Variants in CNGB1 observed in about 807,000 individuals in gnomAD.
CNGB1 encodes the protein cyclic nucleotide-gated channel beta-1.
In CNGB1, 126 loss-of-function variants were observed where a neutral mutation model predicts 151.7. The observed-to-expected ratio is 0.83, with a 90% CI of 0.72 to 0.96. The LOEUF (loss-of-function observed/expected upper bound fraction) is 0.96. Ranked by LOEUF, CNGB1 falls within the 40% of genes least tolerant of loss-of-function variation. The pLI is 0.00. For missense variants in CNGB1, 1,698 were observed against 1,627.0 expected (o/e 1.04, Z -0.75); for synonymous variants, 623 against 635.1 (o/e 0.98, Z 0.29).
In CNGB1 at chr16:57,947,101, G is replaced by C. The variant is rs138324229; in HGVS notation, c.1121+2252C>G. 9.5e-4 allele frequency among the ~76,000 whole-genome samples: 145 copies of C among 152,344 alleles called. 2 individuals are homozygous for C. In the East Asian group the frequency reaches 0.025, roughly 27 times the overall value. On this transcript the variant is annotated intron_variant, in intron 14 of 32. Transcript: ENST00000251102. Reference sequence around the variant, plus strand: ...TGTGCATGCCTGTACATGTAAGTGTGTGCATAACCCAGCATGTATGTCTGT... The same window carrying C: ...TGTGCATGCCTGTACATGTAAGTGTCTGCATAACCCAGCATGTATGTCTGT...
chr16:57,949,342 A>G lies in CNGB1; in HGVS notation c.1121+11T>C. On this transcript the variant is annotated intron_variant, in intron 14 of 32. Coordinates refer to ENST00000251102, the MANE Select transcript of CNGB1 (RefSeq NM_001297.5). The stretch of plus-strand genomic sequence containing the variant: ...CAGGGCCGTTCCCAGACAGGTGAGC[A>G]AATGACTTACTCAGTCACCTCCTCC... 6.2e-7 allele frequency: 1 copy of G among 1,608,530 alleles called. No individual in the cohort carries two copies. The highest frequency in any genetic ancestry group is 1.1e-5 in the South Asian group (1 of 91,078).
chr16:57,903,871 G>T lies in CNGB1; in HGVS notation c.2745C>A (p.Asn915Lys). The change falls in exon 27 of 33, where the codon AAC becomes AAA. Residue 915 changes from asparagine (N) to lysine (K), a missense_variant. Physicochemically the swap from Asn to Lys is moderately conservative, Grantham distance 94 (BLOSUM62 0). Coordinates refer to ENST00000251102, the MANE Select transcript of CNGB1 (RefSeq NM_001297.5). ...NFYKIPKSVQ[N>K]RVKTWYEYTW... The stretch of plus-strand genomic sequence containing the variant: ...TGTACTCGTACCAGGTCTTGACGCG[G>T]TTCTGCACGGACTTGGGGATCTTGT... 6.2e-7 allele frequency: 1 copy of T among 1,614,210 alleles called. No individual in the cohort carries two copies. Among genetic ancestry groups the T allele is most frequent in the Non-Finnish European group, 8.5e-7 (1 of 1,180,046 alleles).
chr16:57,941,105 G>A (rs1279601291), intron 14 of CNGB1, among the ~76,000 whole-genome samples: 3 of 152,176 alleles, frequency 2.0e-5, no homozygotes, highest in Non-Finnish European at 4.4e-5. Flanking sequence ...TTTAGATGCT[G>A]ATAATTCAAA....
chr16:57,957,628 G>A (rs1327256965), intron 11 of CNGB1, among the ~76,000 whole-genome samples: 1 of 152,238 alleles, frequency 6.6e-6, no homozygotes, highest in African/African-American at 2.4e-5. Context: ...CCACAGCAGC[G>A]GCACCTGCTC....
chr16:57,915,093 C>T (rs1369492946), intron 23 of CNGB1, among the ~76,000 whole-genome samples, 156 bp downstream of exon 23: 3 of 152,200 alleles, frequency 2.0e-5, no homozygotes, highest in African/African-American at 7.2e-5. Context: ...AATGAACTTT[C>T]CACTAAGACA....
chr16:57,961,309 C>G (rs1962250291), intron 7 of CNGB1, among the ~76,000 whole-genome samples: 1 of 152,246 alleles, frequency 6.6e-6, no homozygotes, highest in South Asian at 2.1e-4. Flanking sequence ...GTTTCATACT[C>G]TGCTGTCACA....
At chr16:57,926,500 G>A (rs1239629184) in intron 17 of CNGB1, among the ~76,000 whole-genome samples, 1 of 152,180 alleles carries the variant, frequency 6.6e-6, no homozygotes. Context: ...ATTCCAGAAG[G>A]CTCTGAAATG....
intron 25 of CNGB1, among the ~76,000 whole-genome samples, chr16:57,909,067 G>T (rs1038669002): frequency 1.3e-5 from 2 of 152,130 alleles, no homozygotes; most frequent in Admixed American, 6.5e-5. Flanking sequence ...TCAGGAAGCC[G>T]AGACCAGCCT....
chr16:57,912,379 C>T (rs546505916), intron 24 of CNGB1, among the ~76,000 whole-genome samples: 38 of 152,312 alleles, frequency 2.5e-4, no homozygotes, highest in African/African-American at 5.3e-4. Flanking sequence ...TGGTAAGCCC[C>T]TCGTGCCAGC....
intron 17 of CNGB1, among the ~76,000 whole-genome samples, chr16:57,927,558 G>C (rs549159178): frequency 2.0e-5 from 3 of 152,328 alleles, no homozygotes; most frequent in Non-Finnish European, 2.9e-5. Context: ...CCCCTGCCAG[G>C]CTTCTCCCTC....
intron 20 of CNGB1, among the ~76,000 whole-genome samples, chr16:57,917,999 C>A (rs1405344200): frequency 6.6e-6 from 1 of 151,166 alleles, no homozygotes; most frequent in African/African-American, 2.4e-5. Flanking sequence ...GTAAATAATG[C>A]ATGAAGGATG....
intron 7 of CNGB1, 95 bp downstream of exon 7, chr16:57,962,470 C>T (rs1411092506): frequency 3.6e-6 from 4 of 1,113,858 alleles, no homozygotes; most frequent in East Asian, 4.7e-5. Flanking sequence ...AAGGTCACAC[C>T]CTGAGGTGGT....
chr16:57,967,072 T>C, intron 2 of CNGB1, 56 bp downstream of exon 2: 1 of 1,612,786 alleles, frequency 6.2e-7, no homozygotes, highest in Non-Finnish European at 8.5e-7. Context: ...TGGCCCAAAC[T>C]GGGAAGACCC....
At chr16:57,897,370 T>G in intron 31 of CNGB1, 27 bp downstream of exon 31, 1 of 1,613,942 alleles carries the variant, frequency 6.2e-7, no homozygotes, top group South Asian at 1.1e-5. Flanking sequence ...TAGCAATTTT[T>G]TATTAAACGA....
At chr16:57,913,085 C>T (rs1960776680) in intron 23 of CNGB1, 91 bp from the exon 24 acceptor site, 3 of 1,195,956 alleles carry the variant, frequency 2.5e-6, no homozygotes, top group Non-Finnish European at 3.7e-6. Flanking sequence ...AGGGCTCTTC[C>T]TGCAGCCCCC....
intron 31 of CNGB1, among the ~76,000 whole-genome samples, chr16:57,896,324 C>T (rs746521943): frequency 1.1e-3 from 172 of 152,194 alleles, no homozygotes; most frequent in Non-Finnish European, 1.7e-3. Context: ...GCAGAAGCGA[C>T]TCACTTCTGA....
intron 6 of CNGB1, 46 bp downstream of exon 6, chr16:57,962,796 C>G (rs777124080): frequency 6.2e-7 from 1 of 1,610,632 alleles, no homozygotes; most frequent in Non-Finnish European, 8.5e-7. Context: ...AGCCCCTCAG[C>G]CCCTCAGCCC....
chr16:57,923,168 G>A (rs1394224894), intron 18 of CNGB1, 105 bp downstream of exon 18: 5 of 826,900 alleles, frequency 6.0e-6, no homozygotes, highest in East Asian at 5.6e-5. Context: ...CACTGGCAAA[G>A]TCTGCCTTGC....
At chr16:57,906,063 A>G (rs1960542051) in intron 25 of CNGB1, among the ~76,000 whole-genome samples, 1 of 152,226 alleles carries the variant, frequency 6.6e-6, no homozygotes, top group Non-Finnish European at 1.5e-5. Flanking sequence ...AGAAGGGCCT[A>G]GACACTGGGC....
Sources: gnomAD v4.1 joint callset for allele counts (sites outside exome capture counted in the v4.1 genomes callset) on GRCh38, gnomAD v4.1.1 for gene constraint, MANE v1.5 for transcripts, NCBI Gene and HGNC (gene_info 2026-07-23, HGNC 2026-07-21) for gene names.